Variants in ARHGAP26 observed in about 807,000 individuals in gnomAD.
ARHGAP26 encodes the protein rho GTPase-activating protein 26.
A neutral mutation model predicts 104.8 loss-of-function variants in ARHGAP26; 38 were observed. That is an observed-to-expected ratio of 0.36 (90% CI 0.28 to 0.48). The LOEUF (loss-of-function observed/expected upper bound fraction) is 0.48. Among genes scored for constraint, ARHGAP26 ranks in the 20% least tolerant of loss-of-function variants. ARHGAP26 has a pLI of 0.99. For missense variants in ARHGAP26, 704 were observed against 947.9 expected (o/e 0.74, Z 3.38); for synonymous variants, 341 against 340.0 (o/e 1.00, Z -0.03).
intron 1 of ARHGAP26, among the ~76,000 whole-genome samples, chr5:142,809,927 G>T (rs1763739118): frequency 6.6e-6 from 1 of 152,202 alleles, no homozygotes; most frequent in Non-Finnish European, 1.5e-5. Context: ...CATTGGACTG[G>T]TGCAGGTTTT....
At chr5:142,846,918 G>A (rs1364929204) in intron 1 of ARHGAP26, among the ~76,000 whole-genome samples, 3 of 152,312 alleles carry the variant, frequency 2.0e-5, no homozygotes, top group African/African-American at 7.2e-5. Context: ...CACTCGGTGT[G>A]CTAAGGACTT....
At chr5:143,032,835 A>T (rs1257138343) in intron 12 of ARHGAP26, among the ~76,000 whole-genome samples, 1 of 152,218 alleles carries the variant, frequency 6.6e-6, no homozygotes, top group Admixed American at 6.5e-5. Context: ...GTGTGTGTGC[A>T]TGCATGCACA....
At chr5:143,056,488 A>G (rs1785838420) in intron 16 of ARHGAP26, among the ~76,000 whole-genome samples, 1 of 152,120 alleles carries the variant, frequency 6.6e-6, no homozygotes, top group African/African-American at 2.4e-5. Context: ...TAAATTGAGC[A>G]TTGGAAATGT....
chr5:143,081,451 G>GT, intron 17 of ARHGAP26, among the ~76,000 whole-genome samples: 1 of 152,310 alleles, frequency 6.6e-6, no homozygotes, highest in South Asian at 2.1e-4. Flanking sequence ...AATGACCTAT[G>GT]TTTTCCATTG....
intron 9 of ARHGAP26, among the ~76,000 whole-genome samples, chr5:142,911,547 G>T (rs1175560861): frequency 6.6e-6 from 1 of 152,122 alleles, no homozygotes; most frequent in African/African-American, 2.4e-5. Context: ...TCATTTACTT[G>T]TTTAAGTGAT....
intron 11 of ARHGAP26, among the ~76,000 whole-genome samples, chr5:142,949,186 A>AGAGAGAGAG (rs1767722116): frequency 6.6e-5 from 2 of 30,224 alleles, no homozygotes; most frequent in African/African-American, 3.7e-4. Context: ...AGAGAGAGAG[A>AGAGAGAGAG]GAGAGAGAGA....
chr5:143,106,895 T>C (rs1794102004), intron 17 of ARHGAP26, among the ~76,000 whole-genome samples: 1 of 152,244 alleles, frequency 6.6e-6, no homozygotes, highest in Admixed American at 6.5e-5. Flanking sequence ...TGTAGACTTC[T>C]GGACTGCACT....
At chr5:143,035,972 A>G (rs1782581694) in intron 12 of ARHGAP26, among the ~76,000 whole-genome samples, 1 of 150,434 alleles carries the variant, frequency 6.6e-6, no homozygotes, top group African/African-American at 2.4e-5. Context: ...GAACTTACCC[A>G]TGTAACCAAA....
Position 143,014,105 on chromosome 5 carries a change from A to G in ARHGAP26, c.1133A>G (p.Gln378Arg), listed in dbSNP as rs1168567672. The G allele has an allele frequency of 3.1e-6, 5 of 1,614,100 alleles. No homozygotes were observed. Among genetic ancestry groups the G allele is most frequent in the Non-Finnish European group, 8.5e-7 (1 of 1,180,032 alleles). ...EPVYNSNKDS[Q>R]SEGTAQLDSI... ...GTCTACAACTCGAACAAAGACAGCC[A>G]GAGTGAAGGGAGTAAGTACGATGCT... The change falls in exon 12 of 23, where the codon CAG becomes CGG. Residue 378 changes from glutamine (Q) to arginine (R), a missense_variant. Gln to Arg is a conservative substitution (Grantham distance 43, BLOSUM62 1). Coordinates refer to ENST00000645722, the MANE Select transcript of ARHGAP26 (RefSeq NM_001135608.3).
chr5:142,845,658 T>A (rs1597879059), intron 1 of ARHGAP26, among the ~76,000 whole-genome samples: 1 of 152,216 alleles, frequency 6.6e-6, no homozygotes, highest in Non-Finnish European at 1.5e-5. Flanking sequence ...CAGACACATA[T>A]CAGCTTCTCA....
chr5:143,081,460 T>C (rs541248266), intron 17 of ARHGAP26, among the ~76,000 whole-genome samples: 2 of 152,222 alleles, frequency 1.3e-5, no homozygotes, highest in Non-Finnish European at 2.9e-5. Context: ...TGTTTTCCAT[T>C]GATGTAATTG....
intron 14 of ARHGAP26, among the ~76,000 whole-genome samples, chr5:143,053,232 C>T (rs956631258): frequency 7.2e-5 from 11 of 152,188 alleles, no homozygotes; most frequent in African/African-American, 2.7e-4. Flanking sequence ...GGCCATCCCT[C>T]ATCCAGGCAC....
At chr5:142,791,836 C>T (rs191068534) in intron 1 of ARHGAP26, among the ~76,000 whole-genome samples, 3 of 150,736 alleles carry the variant, frequency 2.0e-5, no homozygotes, top group South Asian at 4.2e-4. Flanking sequence ...TGGTGGCACG[C>T]GCCTGTAGTT....
At chr5:142,775,618 A>G (rs1363301824) in intron 1 of ARHGAP26, among the ~76,000 whole-genome samples, 2 of 152,204 alleles carry the variant, frequency 1.3e-5, no homozygotes, top group African/African-American at 2.4e-5. Flanking sequence ...CTCTGTTCCC[A>G]TTAAACAATA....
At chr5:143,203,895 A>G (rs1277475105) in intron 20 of ARHGAP26, among the ~76,000 whole-genome samples, 1 of 152,004 alleles carries the variant, frequency 6.6e-6, no homozygotes, top group Non-Finnish European at 1.5e-5. Context: ...AGGGAGGGGA[A>G]CATCACACAC....
intron 1 of ARHGAP26, among the ~76,000 whole-genome samples, chr5:142,795,065 T>C (rs768531838): frequency 6.6e-6 from 1 of 152,078 alleles, no homozygotes; most frequent in East Asian, 1.9e-4. Context: ...TTTAAAAAAA[T>C]TTATAGCCCT....
intron 20 of ARHGAP26, among the ~76,000 whole-genome samples, chr5:143,161,606 G>A (rs1275375792): frequency 4.6e-5 from 7 of 152,154 alleles, no homozygotes; most frequent in Admixed American, 4.6e-4. Flanking sequence ...ATAATAATTA[G>A]CAGTTGCCCT....
chr5:143,037,536 A>G (rs986402554), intron 13 of ARHGAP26, among the ~76,000 whole-genome samples: 14 of 152,244 alleles, frequency 9.2e-5, no homozygotes, highest in African/African-American at 3.4e-4. Flanking sequence ...TTAAAATATT[A>G]AAAAACACAG....
rs1486457380 is a variant in ARHGAP26 at position 142,890,149 on chromosome 5, AAAATATATATATATATATATATATAT to A, written c.487-4087_487-4062del. 2.5e-3 allele frequency among the ~76,000 whole-genome samples: 166 copies of A among 66,714 alleles called. 5 individuals are homozygous for A. The highest frequency in any genetic ancestry group is 3.4e-3 in the Non-Finnish European group (124 of 36,098). 43.8% of individuals were successfully genotyped at this position (66,714 alleles called of 152,430 possible). On this transcript the variant is annotated intron_variant, in intron 5 of 22. Transcript: ENST00000645722. ...GAAACTCCGTCTTAAAAAAAAAAAA[AAAATATATATATATATATATATATAT>A]ATATATATATATATATATATATGAA...
Sources: gnomAD v4.1 joint callset for allele counts (sites outside exome capture counted in the v4.1 genomes callset) on GRCh38, gnomAD v4.1.1 for gene constraint, MANE v1.5 for transcripts, NCBI Gene and HGNC (gene_info 2026-07-23, HGNC 2026-07-21) for gene names.